DLGAP2: variants seen among roughly 807,000 people sequenced by gnomAD.
DLGAP2 encodes the protein DLG associated protein 2, also known as disks large-associated protein 2.
In DLGAP2, 26 loss-of-function variants were observed where a neutral mutation model predicts 100.3. That is an observed-to-expected ratio of 0.26 (90% CI 0.19 to 0.36). DLGAP2 has a LOEUF of 0.36. Among genes scored for constraint, DLGAP2 ranks in the 10% least tolerant of loss-of-function variants. The pLI is 1.00. For missense variants in DLGAP2, 1,858 were observed against 1,453.2 expected (o/e 1.28, Z -4.53); for synonymous variants, 886 against 630.1 (o/e 1.41, Z -6.08).
Position 1,514,183 on chromosome 8 carries a change from A to T in DLGAP2, c.172+12752A>T, listed in dbSNP as rs142878057. Reference sequence around the variant, plus strand: ...ATCTAGGAATTCACAGTGACGGGAAAGAGGAATTGTACATAATTAGAGATA... The same window carrying T: ...ATCTAGGAATTCACAGTGACGGGAATGAGGAATTGTACATAATTAGAGATA... On this transcript the variant is annotated intron_variant, in intron 4 of 14. Transcript: ENST00000637795. 1.3e-3 allele frequency among the ~76,000 whole-genome samples: 204 copies of T among 152,400 alleles called. No individual in the cohort carries two copies. The Middle Eastern group carries it at 0.02, about 15-fold the overall frequency.
intron 2 of DLGAP2, among the ~76,000 whole-genome samples, chr8:1,090,227 G>C (rs1410908831): frequency 1.4e-5 from 2 of 146,916 alleles, no homozygotes; most frequent in Non-Finnish European, 3.0e-5. Flanking sequence ...CTCCTGGCCA[G>C]ACAGGGGTGG....
chr8:871,820 G>A (rs570917871), intron 1 of DLGAP2, among the ~76,000 whole-genome samples: 7 of 152,154 alleles, frequency 4.6e-5, no homozygotes, highest in South Asian at 2.1e-4. Context: ...AGGATGTGGC[G>A]TCTCACAGAG....
intron 13 of DLGAP2, among the ~76,000 whole-genome samples, chr8:1,691,866 G>C (rs1338979068): frequency 8.6e-6 from 1 of 116,072 alleles, no homozygotes; most frequent in Admixed American, 9.0e-5. Flanking sequence ...CCGAGGCAGG[G>C]AGGCGGATAC....
chr8:1,189,818 C>T (rs996343235), intron 2 of DLGAP2, among the ~76,000 whole-genome samples: 1 of 152,114 alleles, frequency 6.6e-6, no homozygotes, highest in Admixed American at 6.5e-5. Flanking sequence ...GGAGGGGTCC[C>T]CCTGAGGGCA....
At chr8:1,506,987 T>A (rs1799942646) in intron 4 of DLGAP2, among the ~76,000 whole-genome samples, 1 of 152,230 alleles carries the variant, frequency 6.6e-6, no homozygotes, top group Non-Finnish European at 1.5e-5. Flanking sequence ...GGGTGCTGAT[T>A]GGTGCATCTA....
intron 2 of DLGAP2, among the ~76,000 whole-genome samples, chr8:1,141,158 T>C (rs989823718): frequency 2.6e-5 from 4 of 152,122 alleles, no homozygotes; most frequent in African/African-American, 9.7e-5. Flanking sequence ...GGGGAGGGAC[T>C]GAGGGGCTTT....
intron 1 of DLGAP2, chr8:883,287 T>G (rs2128993923): frequency 6.6e-6 from 1 of 152,390 alleles, no homozygotes; most frequent in East Asian, 1.9e-4. Context: ...TGTCACAGTC[T>G]CGCTGTGGGT....
intron 6 of DLGAP2, among the ~76,000 whole-genome samples, chr8:1,570,426 C>T (rs936216310): frequency 2.6e-5 from 4 of 152,236 alleles, no homozygotes; most frequent in African/African-American, 7.2e-5. Context: ...GCATTTTTAA[C>T]GTGTAGCAGG....
intron 6 of DLGAP2, among the ~76,000 whole-genome samples, chr8:1,588,359 C>T (rs1796188976): frequency 6.6e-6 from 1 of 152,108 alleles, no homozygotes. Flanking sequence ...TAAGTGGAAT[C>T]ACACCATTAG....
At chr8:1,530,220 G>A (rs1354677873) in intron 4 of DLGAP2, among the ~76,000 whole-genome samples, 1 of 152,120 alleles carries the variant, frequency 6.6e-6, no homozygotes, top group East Asian at 1.9e-4. Flanking sequence ...ACAGGAGACA[G>A]GTGCACCTGG....
At chr8:1,651,030 A>C (rs897503628) in intron 8 of DLGAP2, among the ~76,000 whole-genome samples, 1 of 152,032 alleles carries the variant, frequency 6.6e-6, no homozygotes, top group African/African-American at 2.4e-5. Flanking sequence ...TGCTCAGCGG[A>C]ATTTTGGGAT....
chr8:1,292,662 G>T (rs914341907), intron 3 of DLGAP2, among the ~76,000 whole-genome samples: 2 of 152,120 alleles, frequency 1.3e-5, no homozygotes, highest in African/African-American at 2.4e-5. Context: ...GGCCTCCGTC[G>T]CTCGGACGCT....
chr8:938,033 C>A (rs1799111159), intron 2 of DLGAP2, among the ~76,000 whole-genome samples: 1 of 152,118 alleles, frequency 6.6e-6, no homozygotes, highest in African/African-American at 2.4e-5. Flanking sequence ...ACAACTATTC[C>A]TTCCACACAT....
chr8:1,316,138 TGC>T (rs1174684232), intron 3 of DLGAP2, among the ~76,000 whole-genome samples: 13 of 120,502 alleles, frequency 1.1e-4, no homozygotes, highest in Admixed American at 2.7e-4. Flanking sequence ...CGTGTGCGAG[TGC>T]AGCGTCTCCC....
chr8:1,140,528 C>A (rs1388218562), intron 2 of DLGAP2, among the ~76,000 whole-genome samples: 1 of 152,288 alleles, frequency 6.6e-6, no homozygotes, highest in Non-Finnish European at 1.5e-5. Context: ...GGCCCTCATC[C>A]TCCTTTCCCT....
intron 3 of DLGAP2, among the ~76,000 whole-genome samples, chr8:1,264,195 A>G (rs1016987899): frequency 1.3e-5 from 2 of 152,162 alleles, no homozygotes; most frequent in Admixed American, 6.5e-5. Context: ...CTGAGCCCCA[A>G]GAACTAAGAA....
intron 1 of DLGAP2, among the ~76,000 whole-genome samples, chr8:858,193 G>A (rs574030881): frequency 2.6e-5 from 4 of 152,308 alleles, no homozygotes; most frequent in Admixed American, 1.3e-4. Context: ...AACAACCAAC[G>A]TGCCTTTAAA....
intron 12 of DLGAP2, among the ~76,000 whole-genome samples, chr8:1,680,293 C>A (rs1340744311): frequency 6.6e-6 from 1 of 152,210 alleles, no homozygotes; most frequent in South Asian, 2.1e-4. Context: ...CATTTCATTT[C>A]TAGATGGCTG....
At position 1,428,125 on chromosome 8, in the gene DLGAP2, TAAATATA is replaced by T. The variant is rs1251862749; in HGVS notation, c.107-73235_107-73229del. On this transcript the variant is annotated intron_variant, in intron 3 of 14. Coordinates refer to ENST00000637795, the MANE Select transcript of DLGAP2 (RefSeq NM_001346810.2). ...AAATAAAATAAGAGAAAGAAAATGATAAATATAAAATAAAAAATAATCAAAATAGAAA... is the reference window on the plus strand; with the variant it reads ...AAATAAAATAAGAGAAAGAAAATGATAAATAAAAAATAATCAAAATAGAAA... Among the ~76,000 whole-genome samples the T allele has an allele frequency of 4.6e-5, 7 of 150,944 alleles. No homozygotes were observed. In the East Asian group the frequency reaches 1.4e-3, roughly 29 times the overall value.
Sources: allele counts gnomAD v4.1 joint callset (sites outside exome capture counted in the v4.1 genomes callset), GRCh38; gene constraint gnomAD v4.1.1; transcripts MANE v1.5; gene names NCBI Gene and HGNC (gene_info 2026-07-23, HGNC 2026-07-21).